NTM: variants seen among roughly 807,000 people sequenced by gnomAD.
NTM encodes IgLON family member 2.
A neutral mutation model predicts 42.1 loss-of-function variants in NTM; 13 were observed. That is an observed-to-expected ratio of 0.31 (90% CI 0.20 to 0.49). NTM has a LOEUF of 0.49. Among genes scored for constraint, NTM ranks in the 20% least tolerant of loss-of-function variants. NTM has a pLI of 0.99. For synonymous variants in NTM, 187 were observed against 179.2 expected, an observed-to-expected ratio of 1.04 and a Z score of -0.35; for missense variants, 373 against 452.8, an observed-to-expected ratio of 0.82 and a Z score of 1.60.
chr11:131,625,266 G>T (rs1017202156), intron 1 of NTM, among the ~76,000 whole-genome samples: 3 of 147,462 alleles, frequency 2.0e-5, no homozygotes, highest in Non-Finnish European at 4.6e-5. Flanking sequence ...ATGCAGATGT[G>T]GGGGGCCACC....
intron 1 of NTM, among the ~76,000 whole-genome samples, chr11:131,768,938 C>T (rs2085586851): frequency 6.6e-6 from 1 of 152,066 alleles, no homozygotes; most frequent in South Asian, 2.1e-4. Flanking sequence ...GTGCAGTTGC[C>T]ATTATGTTTA....
chr11:131,806,999 AG>A (rs2092526289), intron 1 of NTM, among the ~76,000 whole-genome samples: 2 of 152,224 alleles, frequency 1.3e-5, no homozygotes, highest in Admixed American at 1.3e-4. Context: ...GCTGGATTAC[AG>A]GATGAGCAAC....
chr11:132,242,825 C>T (rs1019715585), intron 4 of NTM, among the ~76,000 whole-genome samples: 1 of 152,226 alleles, frequency 6.6e-6, no homozygotes, highest in Non-Finnish European at 1.5e-5. Context: ...ATTCTGTCAA[C>T]ATCAGGTTGT....
intron 1 of NTM, among the ~76,000 whole-genome samples, chr11:131,778,386 T>G (rs1410142760): frequency 6.6e-6 from 1 of 152,228 alleles, no homozygotes. Context: ...GTTGATAAAG[T>G]TGAATGAGAA....
At chr11:131,539,539 T>G (rs1055097964) in intron 1 of NTM, 1 of 152,272 alleles carries the variant, frequency 6.6e-6, no homozygotes, top group African/African-American at 2.4e-5. Context: ...AAGCACCTAC[T>G]CACACACAGA....
intron 1 of NTM, among the ~76,000 whole-genome samples, chr11:131,831,842 T>C (rs1351686134): frequency 6.6e-6 from 1 of 151,670 alleles, no homozygotes; most frequent in Non-Finnish European, 1.5e-5. Context: ...TATCTCCGGG[T>C]TTCTGAGTCC....
intron 4 of NTM, among the ~76,000 whole-genome samples, chr11:132,291,122 T>C (rs1441145730): frequency 6.6e-6 from 1 of 152,166 alleles, no homozygotes; most frequent in East Asian, 1.9e-4. Flanking sequence ...CCTAATATTA[T>C]TATTGAATAA....
At chr11:131,663,411 C>G (rs1021083939) in intron 1 of NTM, 1 of 152,264 alleles carries the variant, frequency 6.6e-6, no homozygotes, top group Non-Finnish European at 1.5e-5. Flanking sequence ...CAGGTTGGCA[C>G]GTTAATCATC....
At chr11:131,565,475 C>T (rs1398536851) in intron 1 of NTM, among the ~76,000 whole-genome samples, 3 of 152,190 alleles carry the variant, frequency 2.0e-5, no homozygotes, top group Non-Finnish European at 4.4e-5. Flanking sequence ...GCCATTGCCA[C>T]ACCTTGTACA....
At chr11:132,293,709 T>A (rs1442591306) in intron 4 of NTM, among the ~76,000 whole-genome samples, 1 of 151,834 alleles carries the variant, frequency 6.6e-6, no homozygotes, top group East Asian at 1.9e-4. Context: ...TTTTAAATAA[T>A]TGAGTATCAA....
rs979629559 is a variant in NTM, at chr11:132,002,044, G to T, written c.167+90396G>T. 6.6e-6 allele frequency among the ~76,000 whole-genome samples: 1 copy of T among 152,148 alleles called. No individual in the cohort carries two copies. Among genetic ancestry groups the T allele is most frequent in the Non-Finnish European group, 1.5e-5 (1 of 68,036 alleles). ...AAGCAATGGCAGGGACAGCCAAAGAGGAATCAGAATCAGTTAATGAATTAG... is the reference window on the plus strand; with the variant it reads ...AAGCAATGGCAGGGACAGCCAAAGATGAATCAGAATCAGTTAATGAATTAG... On this transcript the variant is annotated intron_variant, in intron 2 of 8. Coordinates refer to ENST00000683400, the MANE Select transcript of NTM (RefSeq NM_001352005.2). This position sits in a 1 kb window ranked among gnomAD's most constrained non-coding sequence, Gnocchi z 4.5.
chr11:131,403,272 G>A (rs1945448981), intron 1 of NTM, among the ~76,000 whole-genome samples: 1 of 152,162 alleles, frequency 6.6e-6, no homozygotes, highest in South Asian at 2.1e-4. Context: ...TGTCCCAAAT[G>A]TTACAGCACA....
rs769713556 is a variant in NTM, at chr11:131,759,669, A to AT, written c.83-151881dup. ...AGCTAGTTGCCTGAAAGTGCTCAAG[A>AT]TTTTTTTTTTTTTTAATGATTTTAT... On this transcript the variant is annotated intron_variant, in intron 1 of 8. Coordinates refer to ENST00000683400, the MANE Select transcript of NTM (RefSeq NM_001352005.2). Among the ~76,000 whole-genome samples the AT allele has an allele frequency of 7.8e-3, 1,116 of 143,098 alleles. 3 individuals are homozygous for AT. Among genetic ancestry groups the AT allele is most frequent in the Middle Eastern group, 0.014 (4 of 278 alleles). The allele number at this position is 143,098 out of a possible 152,430, so 93.9% of individuals were successfully genotyped here. A position where few individuals can be genotyped will look rare whatever the true frequency, so the allele number is the denominator to read the frequency against.
intron 3 of NTM, among the ~76,000 whole-genome samples, chr11:132,157,414 A>G (rs138911839): frequency 3.9e-4 from 59 of 152,300 alleles, no homozygotes; most frequent in Non-Finnish European, 7.3e-4. Flanking sequence ...TGGGGTATCT[A>G]CAGGAGCAGA....
intron 4 of NTM, among the ~76,000 whole-genome samples, chr11:132,219,634 C>A (rs892301272): frequency 2.6e-5 from 4 of 152,132 alleles, no homozygotes; most frequent in East Asian, 3.9e-4. Flanking sequence ...GGCCCTCCCC[C>A]CCCACTGTCT....
At chr11:131,782,188 A>G (rs1308701424) in intron 1 of NTM, among the ~76,000 whole-genome samples, 1 of 152,188 alleles carries the variant, frequency 6.6e-6, no homozygotes, top group Admixed American at 6.5e-5. Flanking sequence ...CAATTAGTGA[A>G]ACAGAGATGA....
intron 1 of NTM, among the ~76,000 whole-genome samples, chr11:131,740,565 AT>A (rs893470017): frequency 1.7e-4 from 25 of 151,064 alleles, no homozygotes; most frequent in Non-Finnish European, 3.2e-4. Context: ...ATTTTCTTCA[AT>A]TTTTTTTCTT....
chr11:132,087,959 C>T (rs192195899), intron 2 of NTM, among the ~76,000 whole-genome samples: 50 of 152,270 alleles, frequency 3.3e-4, no homozygotes, highest in Admixed American at 2.4e-3. Flanking sequence ...CTTGGGTCCC[C>T]GGCATTGGCT....
At chr11:132,212,297 G>A (rs1031534453) in intron 4 of NTM, 150 bp downstream of exon 4, 16 of 618,436 alleles carry the variant, frequency 2.6e-5, no homozygotes, top group African/African-American at 1.5e-4. Flanking sequence ...TGCAGAGAAC[G>A]TTGATGTTCT....
Sources: gnomAD v4.1 joint callset for allele counts (sites outside exome capture counted in the v4.1 genomes callset) on GRCh38, gnomAD v4.1.1 for gene constraint, Gnocchi (gnomAD v3.1) non-coding constraint, MANE v1.5 for transcripts, NCBI Gene and HGNC (gene_info 2026-07-23, HGNC 2026-07-21) for gene names.